MYT1L: variants seen among roughly 807,000 people sequenced by gnomAD.
The protein encoded by MYT1L is myelin transcription factor 1 like, also known as myelin transcription factor 1-like protein.
In MYT1L, 12 loss-of-function variants were observed where a neutral mutation model predicts 126.7. The ratio of observed to expected loss-of-function variants is 0.09; its 90% CI spans 0.06 to 0.15. The LOEUF (loss-of-function observed/expected upper bound fraction) is 0.15, where lower values mean the gene tolerates loss of function less well. MYT1L is among the 10% of genes least tolerant of loss of function. MYT1L has a pLI of 1.00. For missense variants in MYT1L, 979 were observed against 1,585.2 expected (o/e 0.62, Z 6.49); for synonymous variants, 541 against 604.2 (o/e 0.90, Z 1.53).
At chr2:2,245,326 G>A (rs958516791) in intron 2 of MYT1L, among the ~76,000 whole-genome samples, 7 of 151,982 alleles carry the variant, frequency 4.6e-5, no homozygotes, top group Non-Finnish European at 1.0e-4. Flanking sequence ...GTAGAGTCCT[G>A]GAGAAGGAGG....
chr2:1,933,373 C>A (rs1463953259), intron 9 of MYT1L, among the ~76,000 whole-genome samples: 1 of 152,154 alleles, frequency 6.6e-6, no homozygotes, highest in African/African-American at 2.4e-5. Flanking sequence ...ACCACCTAGG[C>A]TGAGGAAAAC....
At chr2:1,940,026 C>A (rs149982933) in intron 9 of MYT1L, among the ~76,000 whole-genome samples, 1 of 152,240 alleles carries the variant, frequency 6.6e-6, no homozygotes, top group African/African-American at 2.4e-5. Context: ...GGTGGAAGGG[C>A]CCCGCAAGGG....
chr2:2,116,118 G>A (rs919768809), intron 3 of MYT1L, among the ~76,000 whole-genome samples: 2 of 152,250 alleles, frequency 1.3e-5, no homozygotes, highest in Admixed American at 6.5e-5. Flanking sequence ...CAATGAACAC[G>A]TTCTGTCCTC....
intron 4 of MYT1L, among the ~76,000 whole-genome samples, chr2:2,016,799 G>A (rs1443131731): frequency 3.3e-5 from 5 of 152,196 alleles, no homozygotes; most frequent in African/African-American, 4.8e-5. Context: ...AACCACATAG[G>A]AGCTACCAGT....
chr2:1,950,489 GA>G (rs1375555423), intron 8 of MYT1L, among the ~76,000 whole-genome samples: 23 of 152,002 alleles, frequency 1.5e-4, no homozygotes, highest in African/African-American at 5.3e-4. Flanking sequence ...CTTCACAGGG[GA>G]CCAAGATGGG....
intron 2 of MYT1L, among the ~76,000 whole-genome samples, chr2:2,217,843 A>T (rs933389890): frequency 6.6e-6 from 1 of 152,208 alleles, no homozygotes; most frequent in African/African-American, 2.4e-5. Flanking sequence ...TGAATCTAGA[A>T]TACAAAAAGA....
intron 2 of MYT1L, among the ~76,000 whole-genome samples, chr2:2,191,507 G>A (rs1340643582): frequency 6.6e-6 from 1 of 152,184 alleles, no homozygotes; most frequent in Admixed American, 6.5e-5. Context: ...CTCTACAGCA[G>A]GGACCTCAGC....
chr2:1,926,653 C>G lies in MYT1L; in HGVS notation c.506-3390G>C, dbSNP rs949512340. On this transcript the variant is annotated intron_variant, in intron 9 of 24. Coordinates refer to ENST00000647738, the MANE Select transcript of MYT1L (RefSeq NM_001303052.2). ...TCTGAGCTCACTGCAACCTTTGCTT[C>G]CTGGGTTCAAGCAATTCTCCTGCTT... Among the ~76,000 whole-genome samples the G allele has an allele frequency of 8.5e-5, 13 of 152,312 alleles. No individual in the cohort carries two copies. The South Asian group carries it at 2.7e-3, about 32-fold the overall frequency.
chr2:1,889,493 C>A lies in MYT1L; in HGVS notation c.2284-16G>T. The A allele has an allele frequency of 6.4e-7, 1 of 1,571,956 alleles. No individual in the cohort carries two copies. Among genetic ancestry groups the A allele is most frequent in the Non-Finnish European group, 8.7e-7 (1 of 1,155,154 alleles). On this transcript the variant is annotated splice_polypyrimidine_tract_variant and intron_variant, in intron 15 of 24. Transcript: ENST00000647738. The surrounding 1 kb of genome is among the most constrained non-coding windows in gnomAD (Gnocchi z 4.1). ...TGTCAGGGTTCTGTCGGTAGAAAGA[C>A]ATAGTGACTGTGCTTGGCCCGGCAT...
rs375230345 is a variant in MYT1L at position 1,824,902 on chromosome 2, T to A, written c.3080+14247A>T. 4 of 152,406 alleles carry A rather than the reference T, an allele frequency of 2.6e-5. No individual in the cohort carries two copies. In the East Asian group the frequency reaches 5.8e-4, roughly 22 times the overall value. 9.4% of individuals were successfully genotyped at this position (152,406 alleles called of 1,614,324 possible). A position where few individuals can be genotyped will look rare whatever the true frequency, so the allele number is the denominator to read the frequency against. ...CGTTTCAAAGGCTTCGCTTTGTGGA[T>A]GACACATCCCAGAGATAGGAGGAAC... On this transcript the variant is annotated intron_variant, in intron 21 of 24. Coordinates refer to ENST00000647738, the MANE Select transcript of MYT1L (RefSeq NM_001303052.2).
chr2:1,872,688 C>CT (rs980775270), intron 18 of MYT1L, among the ~76,000 whole-genome samples: 3 of 152,184 alleles, frequency 2.0e-5, no homozygotes, highest in African/African-American at 7.2e-5. Flanking sequence ...TCTTTGTCCT[C>CT]TTTTTTCTGA....
intron 3 of MYT1L, among the ~76,000 whole-genome samples, chr2:2,080,964 A>G (rs1181527546): frequency 6.6e-6 from 1 of 152,234 alleles, no homozygotes; most frequent in Non-Finnish European, 1.5e-5. Flanking sequence ...AGGCAAATTC[A>G]CAGAGACAAA....
chr2:2,146,782 T>A (rs918167010), intron 3 of MYT1L, among the ~76,000 whole-genome samples: 16 of 152,228 alleles, frequency 1.1e-4, no homozygotes, highest in Admixed American at 4.6e-4. Context: ...CCCTATTAAA[T>A]AGGGGCCACC....
chr2:2,260,446 C>A (rs1174099154), intron 2 of MYT1L, among the ~76,000 whole-genome samples: 1 of 152,096 alleles, frequency 6.6e-6, no homozygotes, highest in Non-Finnish European at 1.5e-5. Context: ...AGTGATAAAC[C>A]AGAAACTGAA....
At chr2:2,246,138 C>T (rs1215723253) in intron 2 of MYT1L, among the ~76,000 whole-genome samples, 1 of 152,162 alleles carries the variant, frequency 6.6e-6, no homozygotes. Context: ...GCCTCCTCCA[C>T]CTGAGGCACC....
rs1478481477 is a variant in MYT1L, at chr2:2,009,542, C to T, written c.-157-12195G>A. On this transcript the variant is annotated intron_variant, in intron 4 of 24. Transcript: ENST00000647738. ...TACAAATGCTACTGATTTTTGTATG[C>T]TGATTTTGTATTCTGCAACTTTGCC... 3.3e-5 allele frequency among the ~76,000 whole-genome samples: 5 copies of T among 152,084 alleles called. No individual in the cohort carries two copies. The East Asian group carries it at 9.6e-4, about 29-fold the overall frequency.
At chr2:2,023,422 C>T (rs2065224596) in intron 4 of MYT1L, among the ~76,000 whole-genome samples, 1 of 152,180 alleles carries the variant, frequency 6.6e-6, no homozygotes. Flanking sequence ...GTGAAGAACT[C>T]GGCTGAGCTC....
At chr2:1,950,455 C>A (rs2057642898) in intron 8 of MYT1L, among the ~76,000 whole-genome samples, 1 of 152,048 alleles carries the variant, frequency 6.6e-6, no homozygotes, top group Non-Finnish European at 1.5e-5. Context: ...GACACAGTTA[C>A]CCTGCCAGAG....
intron 3 of MYT1L, among the ~76,000 whole-genome samples, chr2:2,148,452 C>A: frequency 6.6e-6 from 1 of 152,226 alleles, no homozygotes; most frequent in East Asian, 1.9e-4. Context: ...GCCTGCCACT[C>A]ACCTCCTGCT....
Sources: gnomAD v4.1 joint callset for allele counts (sites outside exome capture counted in the v4.1 genomes callset) on GRCh38, gnomAD v4.1.1 for gene constraint, Gnocchi (gnomAD v3.1) non-coding constraint, MANE v1.5 for transcripts, NCBI Gene and HGNC (gene_info 2026-07-23, HGNC 2026-07-21) for gene names.